The following TNS1 variants were observed in gnomAD, a reference collection of about 807,000 sequenced individuals.
The protein encoded by TNS1 is tensin 1, also known as tensin-1.
Under a neutral mutation model 168.6 loss-of-function variants are expected in TNS1, and 62 were observed. The ratio of observed to expected loss-of-function variants is 0.37; its 90% CI spans 0.30 to 0.45. The LOEUF (loss-of-function observed/expected upper bound fraction) is 0.45. TNS1 is among the 20% of genes least tolerant of loss of function. The pLI is 1.00. For missense variants in TNS1, 2,240 were observed against 2,339.4 expected, an observed-to-expected ratio of 0.96 and a Z score of 0.88; for synonymous variants, 934 against 933.2, an observed-to-expected ratio of 1.00 and a Z score of -0.02.
At chr2:217,876,728 T>A (rs981118982) in intron 18 of TNS1, among the ~76,000 whole-genome samples, 2 of 152,064 alleles carry the variant, frequency 1.3e-5, no homozygotes, top group South Asian at 2.1e-4. Context: ...CTCCAATACG[T>A]CTGGTGTCTT....
intron 18 of TNS1, among the ~76,000 whole-genome samples, chr2:217,879,020 G>C (rs1381388077): frequency 6.6e-6 from 1 of 152,146 alleles, no homozygotes; most frequent in Non-Finnish European, 1.5e-5. Flanking sequence ...AAGGACAGAG[G>C]GGCCCTGTCT....
At chr2:217,945,884 G>A (rs917369798) in intron 3 of TNS1, among the ~76,000 whole-genome samples, 11 of 152,228 alleles carry the variant, frequency 7.2e-5, no homozygotes, top group South Asian at 2.1e-4. Flanking sequence ...AGGGGATCCC[G>A]GGTCAGTTTC....
intron 19 of TNS1, among the ~76,000 whole-genome samples, chr2:217,846,201 T>C (rs929938): frequency 0.44 from 67,228 of 152,018 alleles, 15,505 homozygotes; most frequent in African/African-American, 0.59. Context: ...GCCAGCTCTC[T>C]ATGGGAGGTG....
At chr2:217,904,801 C>T (rs140116345) in intron 6 of TNS1, among the ~76,000 whole-genome samples, 4 of 152,320 alleles carry the variant, frequency 2.6e-5, no homozygotes, top group Non-Finnish European at 5.9e-5. Context: ...TCCATCTGGC[C>T]CAGACTGGGG....
chr2:217,933,425 G>T (rs760311831), intron 3 of TNS1, among the ~76,000 whole-genome samples: 17 of 152,150 alleles, frequency 1.1e-4, no homozygotes, highest in Non-Finnish European at 2.2e-4. Flanking sequence ...ACCACTGCCG[G>T]ACCCAGATAC....
Position 217,813,812 on chromosome 2 carries a change from G to A in TNS1, c.4734C>T (p.Ile1578=), listed in dbSNP as rs767025597. 3.7e-6 allele frequency: 6 copies of A among 1,609,612 alleles called. No individual in the cohort carries two copies. Among genetic ancestry groups the A allele is most frequent in the Admixed American group, 1.7e-5 (1 of 59,244 alleles). The part of the protein sequence containing the change: ...YKPEISREQA[I]ALLKDQEPGA... ...CCGGCTCCTGGTCCTTGAGGAGCGCGATGGCTGCATGGGGAAGGGACAAGG... is the reference window on the plus strand; with the variant it reads ...CCGGCTCCTGGTCCTTGAGGAGCGCAATGGCTGCATGGGGAAGGGACAAGG... The change falls in exon 26 of 33, where the codon ATC becomes ATT. Residue 1578 remains isoleucine, a synonymous_variant. Transcript: ENST00000682258. This position sits in a 1 kb window ranked among gnomAD's most constrained non-coding sequence, Gnocchi z 4.0.
At chr2:218,010,950 CACTCCG>C (rs1197289960), upstream of TNS1, among the ~76,000 whole-genome samples, 2 of 152,196 alleles carry the variant, frequency 1.3e-5, no homozygotes, top group African/African-American at 2.4e-5. Flanking sequence ...CCTGGCCACA[CACTCCG>C]ACTCCTCAGC....
chr2:217,811,032 C>G (rs150224308), intron 28 of TNS1, among the ~76,000 whole-genome samples: 40 of 152,288 alleles, frequency 2.6e-4, no homozygotes, highest in Non-Finnish European at 5.3e-4. Context: ...GCATGAGCCA[C>G]CATGCCTGGA....
Position 218,031,032 on chromosome 2 carries a change from G to A in TNS1, c.156+2788C>T, listed in dbSNP as rs559229286. Among the ~76,000 whole-genome samples the A allele has an allele frequency of 2.0e-5, 3 of 151,688 alleles. No homozygotes were observed. In the South Asian group the frequency reaches 6.3e-4, roughly 32 times the overall value. ...TGGGAGTGTATGTGTGTATGTGTGT[G>A]TATGTGAGTGAGCATGTGAGCATAT... On this transcript the variant is annotated intron_variant, in intron 1 of 1. Coordinates refer to the TNS1 transcript ENST00000649572.
chr2:217,919,369 G>A (rs1221426256), intron 4 of TNS1, among the ~76,000 whole-genome samples: 1 of 152,216 alleles, frequency 6.6e-6, no homozygotes, highest in Non-Finnish European at 1.5e-5. Flanking sequence ...ACTGCCACAG[G>A]CAACTCCACA....
Position 217,804,303 on chromosome 2 carries a change from T to A in TNS1, c.*156A>T. On this transcript the variant is annotated 3_prime_UTR_variant, in exon 33 of 33. Transcript: ENST00000682258. Reference sequence around the variant, plus strand: ...CTCTCTCTCTCTTTTCCCCCTCCCCTCTGCAATTCACTTCCCTCTCCCCAC... The same window carrying A: ...CTCTCTCTCTCTTTTCCCCCTCCCCACTGCAATTCACTTCCCTCTCCCCAC... The A allele has an allele frequency of 2.1e-5, 14 of 659,696 alleles. No individual in the cohort carries two copies. The highest frequency in any genetic ancestry group is 3.3e-5 in the Non-Finnish European group (13 of 389,052). The allele number at this position is 659,696 out of a possible 1,614,324, so 40.9% of individuals were successfully genotyped here.
At chr2:217,893,104 G>T in intron 10 of TNS1, 92 bp from the exon 11 acceptor site, 1 of 1,502,450 alleles carries the variant, frequency 6.7e-7, no homozygotes, top group Non-Finnish European at 9.2e-7. Context: ...AAAGAGTCAG[G>T]GCTGGAGAGA....
At position 218,029,585 on chromosome 2, in the gene TNS1, C is replaced by T. The variant is rs142853450; in HGVS notation, c.156+4235G>A. Among the ~76,000 whole-genome samples the T allele has an allele frequency of 5.3e-3, 809 of 152,330 alleles. 6 individuals carry two copies. Among genetic ancestry groups the T allele is most frequent in the African/African-American group, 0.017 (704 of 41,568 alleles). ...GACGCTGTCCAGCAATGAGAAGGAA[C>T]GCTCAAGACCACACCCAGGAATATA... On this transcript the variant is annotated intron_variant, in intron 1 of 1. Coordinates refer to the TNS1 transcript ENST00000649572.
intron 18 of TNS1, among the ~76,000 whole-genome samples, chr2:217,861,378 G>C (rs1408728264): frequency 2.0e-5 from 3 of 152,150 alleles, no homozygotes; most frequent in African/African-American, 7.2e-5. Flanking sequence ...ATACTTTCTG[G>C]TTGCTTCTCT....
At chr2:217,938,482 C>T (rs1360081567) in intron 3 of TNS1, among the ~76,000 whole-genome samples, 1 of 152,250 alleles carries the variant, frequency 6.6e-6, no homozygotes, top group African/African-American at 2.4e-5. Flanking sequence ...CCACTACCAA[C>T]AAGGGACTGA....
In TNS1 at chr2:217,948,993, A is replaced by G. The variant is rs1957180997; in HGVS notation, c.187-28757T>C. Among the ~76,000 whole-genome samples the G allele has an allele frequency of 6.6e-6, 1 of 152,100 alleles. No homozygotes were observed. Among genetic ancestry groups the G allele is most frequent in the African/African-American group, 2.4e-5 (1 of 41,414 alleles). ...ATGGAAAGGGAAGGAGAGTCGGGGG[A>G]AAATGGCCCACCAACAGCTTATCCC... On this transcript the variant is annotated intron_variant, in intron 3 of 32. Transcript: ENST00000682258. This position sits in a 1 kb window ranked among gnomAD's most constrained non-coding sequence, Gnocchi z 4.1.
intron 3 of TNS1, among the ~76,000 whole-genome samples, chr2:217,926,700 C>T (rs2125885207): frequency 6.6e-6 from 1 of 152,358 alleles, no homozygotes; most frequent in Admixed American, 6.5e-5. Flanking sequence ...GCATGTCAAG[C>T]ACTGTTCTAA....
chr2:217,957,801 G>A (rs1957401387), intron 3 of TNS1, among the ~76,000 whole-genome samples: 1 of 137,768 alleles, frequency 7.3e-6, no homozygotes, highest in Non-Finnish European at 1.5e-5. Context: ...TTAAAGTAAA[G>A]TGATATAATG....
At chr2:218,030,955 G>T (rs1958887102) in intron 1 of TNS1, among the ~76,000 whole-genome samples, 1 of 152,116 alleles carries the variant, frequency 6.6e-6, no homozygotes, top group African/African-American at 2.4e-5. Flanking sequence ...GTGTGTATGT[G>T]TGTGAGCATG....
Sources: gnomAD v4.1 joint callset for allele counts (sites outside exome capture counted in the v4.1 genomes callset) on GRCh38, gnomAD v4.1.1 for gene constraint, Gnocchi (gnomAD v3.1) non-coding constraint, MANE v1.5 for transcripts, NCBI Gene and HGNC (gene_info 2026-07-23, HGNC 2026-07-21) for gene names.